CNTNAP2: variants seen among roughly 807,000 people sequenced by gnomAD.
The protein encoded by CNTNAP2 is contactin associated protein 2.
Under a neutral mutation model 155.2 loss-of-function variants are expected in CNTNAP2, and 98 were observed. That is an observed-to-expected ratio of 0.63 (90% CI 0.54 to 0.75). The LOEUF (loss-of-function observed/expected upper bound fraction) is 0.75, where lower values mean the gene tolerates loss of function less well. Ranked by LOEUF, CNTNAP2 falls within the 30% of genes least tolerant of loss-of-function variation. The pLI is 0.00. For missense variants in CNTNAP2, 1,727 were observed against 1,688.1 expected (o/e 1.02, Z -0.40); for synonymous variants, 651 against 631.2 (o/e 1.03, Z -0.47).
In CNTNAP2 at chr7:148,415,472, G is replaced by C. The variant is rs1243616744; in HGVS notation, c.3852G>C (p.Arg1284=). Reference sequence around the variant, plus strand: ...TGTGCACCCTGGTCTTCCTGATCCGGTACATGTTCCGCCACAAGGGCACCT... The same window carrying C: ...TGTGCACCCTGGTCTTCCTGATCCGCTACATGTTCCGCCACAAGGGCACCT... ...TILCTLVFLI[R]YMFRHKGTYH... The change falls in exon 24 of 24, where the codon CGG becomes CGC. Residue 1284 remains arginine, a synonymous_variant. Coordinates refer to ENST00000361727, the MANE Select transcript of CNTNAP2 (RefSeq NM_014141.6). 1 of 1,614,182 alleles carries C rather than the reference G, an allele frequency of 6.2e-7. No individual in the cohort carries two copies. The highest frequency in any genetic ancestry group is 1.7e-5 in the Admixed American group (1 of 60,030).
chr7:147,808,595 G>A (rs568907757), intron 13 of CNTNAP2, among the ~76,000 whole-genome samples: 125 of 152,330 alleles, frequency 8.2e-4, no homozygotes, highest in Non-Finnish European at 1.4e-3. Flanking sequence ...CCTGGCATCT[G>A]TAATTAATTT....
At chr7:147,760,327 A>T (rs1324486995) in intron 13 of CNTNAP2, among the ~76,000 whole-genome samples, 1 of 151,864 alleles carries the variant, frequency 6.6e-6, no homozygotes, top group Non-Finnish European at 1.5e-5. Context: ...CCTAGGAATT[A>T]AATGTGATTT....
chr7:146,757,210 G>A (rs1412096171), intron 1 of CNTNAP2, among the ~76,000 whole-genome samples: 2 of 152,102 alleles, frequency 1.3e-5, no homozygotes, highest in Admixed American at 6.6e-5. Context: ...ATGTTCAAAT[G>A]AGCAGAGTTG....
intron 5 of CNTNAP2, 139 bp downstream of exon 5, chr7:147,108,489 T>C: frequency 1.3e-6 from 1 of 754,730 alleles, no homozygotes; most frequent in Non-Finnish European, 2.1e-6. Context: ...TCTATAACAG[T>C]AGGTATATAA....
chr7:146,934,597 A>ATAAAAT (rs1033212607), intron 3 of CNTNAP2, among the ~76,000 whole-genome samples: 22 of 152,138 alleles, frequency 1.4e-4, no homozygotes, highest in Non-Finnish European at 7.4e-5. Context: ...TTTAATAATA[A>ATAAAAT]TAAAATTAAA....
intron 1 of CNTNAP2, among the ~76,000 whole-genome samples, chr7:146,231,365 G>T (rs149481038): frequency 6.6e-6 from 1 of 152,140 alleles, no homozygotes; most frequent in Non-Finnish European, 1.5e-5. Flanking sequence ...ATTGTGACTA[G>T]CTCTACTCTA....
At chr7:148,178,281 T>A (rs928740963) in intron 18 of CNTNAP2, among the ~76,000 whole-genome samples, 17 of 152,206 alleles carry the variant, frequency 1.1e-4, no homozygotes, top group African/African-American at 3.9e-4. Context: ...AAAAATACAT[T>A]TCTTTAATCA....
chr7:147,136,034 A>G (rs1329842519), intron 8 of CNTNAP2, among the ~76,000 whole-genome samples: 1 of 151,804 alleles, frequency 6.6e-6, no homozygotes, highest in African/African-American at 2.4e-5. Context: ...TAGCAAAAAA[A>G]AAAACCTACC....
chr7:147,686,042 C>T (rs902004741), intron 13 of CNTNAP2, among the ~76,000 whole-genome samples: 1 of 151,774 alleles, frequency 6.6e-6, no homozygotes, highest in Non-Finnish European at 1.5e-5. Context: ...TTGAGCAGAG[C>T]AATGAAATAT....
intron 1 of CNTNAP2, among the ~76,000 whole-genome samples, chr7:146,295,364 G>A (rs1344485495): frequency 6.6e-6 from 1 of 152,138 alleles, no homozygotes; most frequent in East Asian, 1.9e-4. Flanking sequence ...GCAAAAGCAT[G>A]TATTCAGGGT....
intron 1 of CNTNAP2, among the ~76,000 whole-genome samples, chr7:146,121,177 G>T (rs1251465423): frequency 7.7e-6 from 1 of 130,520 alleles, no homozygotes; most frequent in East Asian, 2.2e-4. Flanking sequence ...CGCCCAGGCT[G>T]GAGTGCAGTG....
chr7:147,180,515 T>C lies in CNTNAP2; in HGVS notation c.1348+48006T>C, dbSNP rs530725774. Among the ~76,000 whole-genome samples the C allele has an allele frequency of 7.9e-5, 12 of 152,126 alleles. No individual in the cohort carries two copies. The East Asian group carries it at 2.3e-3, about 29-fold the overall frequency. On this transcript the variant is annotated intron_variant, in intron 8 of 23. Transcript: ENST00000361727. The stretch of plus-strand genomic sequence containing the variant: ...TAAAATAGGAGAAACAAGCTTAAAA[T>C]AGAAGAAACAAGCCATCACTTAAGT...
At chr7:146,565,383 G>A (rs1419098812) in intron 1 of CNTNAP2, among the ~76,000 whole-genome samples, 1 of 151,932 alleles carries the variant, frequency 6.6e-6, no homozygotes, top group African/African-American at 2.4e-5. Flanking sequence ...TATATTCATA[G>A]CCATTTTTTT....
intron 12 of CNTNAP2, among the ~76,000 whole-genome samples, chr7:147,604,594 G>T (rs1431170338): frequency 6.6e-6 from 1 of 152,114 alleles, no homozygotes; most frequent in Non-Finnish European, 1.5e-5. Flanking sequence ...TTGCTTCTCT[G>T]CTCTTCATTT....
chr7:147,824,259 T>C (rs1308784093), intron 13 of CNTNAP2, among the ~76,000 whole-genome samples: 1 of 152,052 alleles, frequency 6.6e-6, no homozygotes, highest in Non-Finnish European at 1.5e-5. Flanking sequence ...TCGCAGAGAG[T>C]AGAATTTCTT....
intron 1 of CNTNAP2, among the ~76,000 whole-genome samples, chr7:146,172,470 C>T (rs1318509705): frequency 6.6e-6 from 1 of 152,118 alleles, no homozygotes; most frequent in Non-Finnish European, 1.5e-5. Flanking sequence ...GATTTCTCTA[C>T]ATTCCAAAAA....
At chr7:147,117,191 G>C (rs769303911) in intron 5 of CNTNAP2, among the ~76,000 whole-genome samples, 1 of 152,110 alleles carries the variant, frequency 6.6e-6, no homozygotes, top group Non-Finnish European at 1.5e-5. Context: ...TCCCAGGGTG[G>C]AGTTTGTAAA....
intron 11 of CNTNAP2, among the ~76,000 whole-genome samples, chr7:147,552,432 G>A (rs17170594): frequency 0.12 from 18,459 of 151,766 alleles, 1,542 homozygotes; most frequent in East Asian, 0.36. Context: ...TTGAATCATA[G>A]AATGACTTTA....
intron 1 of CNTNAP2, among the ~76,000 whole-genome samples, chr7:146,529,995 C>CAAA (rs763073690): frequency 1.5e-4 from 22 of 151,412 alleles, no homozygotes; most frequent in Non-Finnish European, 3.1e-4. Flanking sequence ...ACAACAACAA[C>CAAA]AAATCAGATA....
Sources: gnomAD v4.1 joint callset for allele counts (sites outside exome capture counted in the v4.1 genomes callset) on GRCh38, gnomAD v4.1.1 for gene constraint, MANE v1.5 for transcripts, NCBI Gene and HGNC (gene_info 2026-07-23, HGNC 2026-07-21) for gene names.